Variants in SLC4A1AP observed in about 807,000 individuals in gnomAD.
SLC4A1AP encodes the protein solute carrier family 4 member 1 adaptor protein, also known as kanadaptin.
SLC4A1AP carries 64 observed loss-of-function variants against 89.7 expected under a neutral mutation model. That is an observed-to-expected ratio of 0.71 (90% CI 0.58 to 0.88). The LOEUF is 0.88. SLC4A1AP is among the 40% of genes least tolerant of loss of function. The pLI is 0.00. For missense variants in SLC4A1AP, 931 were observed against 965.0 expected, an observed-to-expected ratio of 0.96 and a Z score of 0.47; for synonymous variants, 366 against 353.3, an observed-to-expected ratio of 1.04 and a Z score of -0.40.
Position 27,668,908 on chromosome 2 carries a change from G to A in SLC4A1AP, c.1205+5G>A. The A allele has an allele frequency of 6.2e-7, 1 of 1,613,182 alleles. No homozygotes were observed. Among genetic ancestry groups the A allele is most frequent in the South Asian group, 1.1e-5 (1 of 90,948 alleles). On this transcript the variant is annotated splice_donor_5th_base_variant and intron_variant, in intron 4 of 13. Transcript: ENST00000613058. ...CACTTGGCTCTGCAGGGTGAGGTAT[G>A]CTCTTTTCTTATTAATGTTCTTTTC... is the stretch of plus-strand genomic sequence containing the variant.
rs763887086 is a variant in SLC4A1AP, at chr2:27,668,815, A to G, written c.1145-28A>G. 3.7e-6 allele frequency: 6 copies of G among 1,606,004 alleles called. No individual in the cohort carries two copies. The Admixed American group carries it at 1.0e-4, about 27-fold the overall frequency. The stretch of plus-strand genomic sequence containing the variant: ...ACTAGTAATTTTTGGATTCTATTAA[A>G]ATTGTTTTGTCTGTCTTTCTCCCAC... On this transcript the variant is annotated intron_variant, in intron 3 of 13. Coordinates refer to ENST00000613058, the Ensembl canonical transcript of SLC4A1AP.
At chr2:27,665,385 C>T in intron 2 of SLC4A1AP, 90 bp downstream of exon 2, 1 of 1,140,768 alleles carries the variant, frequency 8.8e-7, no homozygotes, top group Non-Finnish European at 1.2e-6. Context: ...TACAGCTTTT[C>T]ATGGCTCCTT....
intron 5 of SLC4A1AP, 63 bp from the exon 6 acceptor site, chr2:27,675,469 G>T (rs186559448): frequency 4.4e-5 from 53 of 1,202,006 alleles, no homozygotes; most frequent in Admixed American, 3.1e-4. Context: ...TTGCCTACTT[G>T]CCTTCTTTCT....
chr2:27,677,780 T>C (rs1289618117), exon 8 of SLC4A1AP: 12 of 1,613,002 alleles, frequency 7.4e-6, no homozygotes, highest in Non-Finnish European at 9.3e-6. Context: ...GATGCGTTCA[T>C]GTCAGAAATG....
At chr2:27,665,612 T>C (rs1052113144) in intron 2 of SLC4A1AP, among the ~76,000 whole-genome samples, 2 of 152,238 alleles carry the variant, frequency 1.3e-5, no homozygotes, top group Non-Finnish European at 2.9e-5. Context: ...CCTTGTGCTA[T>C]GTGATTATCA....
At chr2:27,667,308 T>C in exon 3 of SLC4A1AP, 1 of 1,613,662 alleles carries the variant, frequency 6.2e-7, no homozygotes, top group South Asian at 1.1e-5. Flanking sequence ...AGAACCCTAT[T>C]GTCTTAGAGT....
intron 1 of SLC4A1AP, among the ~76,000 whole-genome samples, chr2:27,664,822 C>A (rs1488834364): frequency 3.3e-5 from 5 of 152,038 alleles, no homozygotes; most frequent in Admixed American, 3.3e-4. Flanking sequence ...AATCCCAACA[C>A]TTTGGGAGGC....
In SLC4A1AP at chr2:27,677,397, CACATATAGT is replaced by C. The variant is rs1286764625; in HGVS notation, c.1576+34_1576+42del. On this transcript the variant is annotated intron_variant, in intron 7 of 13. Coordinates refer to ENST00000613058, the Ensembl canonical transcript of SLC4A1AP. ...TTTCATCAAATATTTATTAATATAC[CACATATAGT>C]GCTCTATGCTAGGCACTGGGGCTAC... The C allele has an allele frequency of 3.5e-6, 5 of 1,414,780 alleles. No individual in the cohort carries two copies. The South Asian group carries it at 5.8e-5, about 16-fold the overall frequency. 87.6% of individuals were successfully genotyped at this position (1,414,780 alleles called of 1,614,324 possible). A position where few individuals can be genotyped will look rare whatever the true frequency, so the allele number is the denominator to read the frequency against.
At chr2:27,666,465 G>A (rs1050029422) in intron 2 of SLC4A1AP, among the ~76,000 whole-genome samples, 8 of 151,062 alleles carry the variant, frequency 5.3e-5, no homozygotes, top group Non-Finnish European at 1.0e-4. Context: ...TTTTGAGCTG[G>A]AACTTGAAGG....
chr2:27,686,504 C>G (rs565304286), intron 10 of SLC4A1AP, among the ~76,000 whole-genome samples: 3 of 152,216 alleles, frequency 2.0e-5, no homozygotes, highest in African/African-American at 7.2e-5. Flanking sequence ...GTGGCTCACG[C>G]CTGTAATCCC....
chr2:27,671,425 C>T (rs1194506169), intron 5 of SLC4A1AP, among the ~76,000 whole-genome samples: 1 of 152,102 alleles, frequency 6.6e-6, no homozygotes, highest in Non-Finnish European at 1.5e-5. Context: ...GTGTTTGGGG[C>T]TTTTTTGTAT....
At chr2:27,678,893 T>C (rs1420928987) in intron 8 of SLC4A1AP, among the ~76,000 whole-genome samples, 2 of 151,900 alleles carry the variant, frequency 1.3e-5, no homozygotes, top group South Asian at 2.1e-4. Flanking sequence ...TAATTTTTAA[T>C]TTTTTGTAGA....
rs150652490 is a variant in SLC4A1AP, at chr2:27,690,741, G to C, written c.2271+1974G>C. Among the ~76,000 whole-genome samples, 50 of 152,208 alleles carry C rather than the reference G, an allele frequency of 3.3e-4. 1 individual carries two copies. Among genetic ancestry groups the C allele is most frequent in the African/African-American group, 1.1e-3 (47 of 41,542 alleles). ...TAGCTTCAAATGATCCTGGGATGCT[G>C]ACTTTTATTGAATGCTTTTTCTGCA... On this transcript the variant is annotated intron_variant, in intron 12 of 13. Transcript: ENST00000613058.
chr2:27,687,072 G>A (rs1000558450), intron 10 of SLC4A1AP, among the ~76,000 whole-genome samples: 1 of 151,974 alleles, frequency 6.6e-6, no homozygotes, highest in African/African-American at 2.4e-5. Flanking sequence ...CCAAAGTGCT[G>A]GGATTATAGG....
rs1418603554 is a variant in SLC4A1AP at position 27,687,938 on chromosome 2, CAT to C, written c.2122_2123del (p.Met708ValfsTer4). 1 of 1,611,130 alleles carries C rather than the reference CAT, an allele frequency of 6.2e-7. No homozygotes were observed. The highest frequency in any genetic ancestry group is 2.2e-5 in the East Asian group (1 of 44,840). ...ATTTGATATTGCTTTTTATAGAAAA[CAT>C]GTCTCAACTTAGCGAGGAAGAACAG... On this transcript the variant is annotated frameshift_variant, in exon 11 of 14. Coordinates refer to ENST00000613058, the Ensembl canonical transcript of SLC4A1AP. LOFTEE classifies it high-confidence loss of function.
chr2:27,682,607 T>C (rs1572994711), intron 9 of SLC4A1AP, among the ~76,000 whole-genome samples: 1 of 150,508 alleles, frequency 6.6e-6, no homozygotes, highest in Admixed American at 6.7e-5. Flanking sequence ...TGACTGCAAC[T>C]TCCGCCTCCC....
intron 7 of SLC4A1AP, 66 bp downstream of exon 7, chr2:27,677,430 A>G (rs1235611258): frequency 7.5e-6 from 8 of 1,060,752 alleles, no homozygotes; most frequent in Non-Finnish European, 1.2e-5. Context: ...CACTGGGGCT[A>G]CATTAGTTAA....
intron 5 of SLC4A1AP, among the ~76,000 whole-genome samples, chr2:27,670,802 A>G (rs1675413466): frequency 6.6e-6 from 1 of 151,802 alleles, no homozygotes; most frequent in Non-Finnish European, 1.5e-5. Context: ...CAGAGTTTTC[A>G]TTGAGCCGAG....
chr2:27,690,508 C>T (rs1675773802), intron 12 of SLC4A1AP, among the ~76,000 whole-genome samples: 1 of 151,998 alleles, frequency 6.6e-6, no homozygotes, highest in Non-Finnish European at 1.5e-5. Flanking sequence ...ATTTTTGAGA[C>T]CGAGTCTTGC....
Sources: allele counts gnomAD v4.1 joint callset (sites outside exome capture counted in the v4.1 genomes callset), GRCh38; gene constraint gnomAD v4.1.1; transcripts MANE v1.5; gene names NCBI Gene and HGNC (gene_info 2026-07-23, HGNC 2026-07-21).